The following MACROD2 variants were observed in gnomAD, a reference collection of about 807,000 sequenced individuals.
The protein encoded by MACROD2 is ADP-ribose glycohydrolase MACROD2.
In MACROD2, 36 loss-of-function variants were observed where a neutral mutation model predicts 70.4. The ratio of observed to expected loss-of-function variants is 0.51; its 90% CI spans 0.39 to 0.68. MACROD2 has a LOEUF of 0.68. MACROD2 is among the 30% of genes least tolerant of loss of function. The pLI, the probability that MACROD2 is intolerant of heterozygous loss-of-function variation, is 0.00. For synonymous variants in MACROD2, 172 were observed against 178.8 expected (o/e 0.96, Z 0.30); for missense variants, 496 against 538.4 (o/e 0.92, Z 0.78).
chr20:14,781,878 C>T (rs953767855), intron 5 of MACROD2, among the ~76,000 whole-genome samples: 1 of 151,686 alleles, frequency 6.6e-6, no homozygotes, highest in Non-Finnish European at 1.5e-5. Context: ...AAAAAATTCC[C>T]TAAGTCAGAG....
At chr20:14,120,335 C>G (rs372411301) in intron 3 of MACROD2, among the ~76,000 whole-genome samples, 10 of 151,868 alleles carry the variant, frequency 6.6e-5, no homozygotes, top group East Asian at 3.9e-4. Flanking sequence ...CCATCTCACA[C>G]CAGTCAGAAT....
intron 3 of MACROD2, among the ~76,000 whole-genome samples, chr20:14,304,654 T>G (rs1427944054): frequency 6.6e-6 from 1 of 152,202 alleles, no homozygotes; most frequent in Non-Finnish European, 1.5e-5. Context: ...TTAAGTACTC[T>G]TATCTCTGAA....
intron 5 of MACROD2, among the ~76,000 whole-genome samples, chr20:14,817,082 C>A (rs1041993065): frequency 6.6e-6 from 1 of 152,070 alleles, no homozygotes; most frequent in Non-Finnish European, 1.5e-5. Flanking sequence ...GTTCATAAAT[C>A]TTTTAATTTT....
chr20:15,197,308 G>T (rs1224694276), intron 5 of MACROD2, among the ~76,000 whole-genome samples: 2 of 151,866 alleles, frequency 1.3e-5, no homozygotes, highest in East Asian at 1.9e-4. Flanking sequence ...AGTAAATATT[G>T]CTAATAATTA....
chr20:15,380,051 TA>T (rs2045620168), intron 6 of MACROD2, among the ~76,000 whole-genome samples: 1 of 152,188 alleles, frequency 6.6e-6, no homozygotes, highest in South Asian at 2.1e-4. Flanking sequence ...AGCTCCTCTT[TA>T]TCTTTACATA....
chr20:14,872,801 G>A (rs560175426), intron 5 of MACROD2, among the ~76,000 whole-genome samples: 95 of 152,232 alleles, frequency 6.2e-4, no homozygotes, highest in African/African-American at 2.2e-3. Flanking sequence ...TAAAGGAAAG[G>A]GGTTTAACTG....
intron 6 of MACROD2, among the ~76,000 whole-genome samples, chr20:15,235,985 C>G (rs990283670): frequency 6.6e-6 from 1 of 152,106 alleles, no homozygotes; most frequent in African/African-American, 2.4e-5. Flanking sequence ...CTATGTCTTC[C>G]CTGGTTGGGT....
At chr20:14,369,224 T>C (rs2083300752) in intron 3 of MACROD2, among the ~76,000 whole-genome samples, 1 of 152,220 alleles carries the variant, frequency 6.6e-6, no homozygotes, top group Non-Finnish European at 1.5e-5. Context: ...GAGTCCTCAG[T>C]TAGAGAAACA....
chr20:15,352,409 T>C lies in MACROD2; in HGVS notation c.541-78996T>C, dbSNP rs559695170. On this transcript the variant is annotated intron_variant, in intron 6 of 17. Coordinates refer to ENST00000684519, the MANE Select transcript of MACROD2 (RefSeq NM_001351661.2). Reference sequence around the variant, plus strand: ...CTACAAAAGAGAATGTGTTAATATTTATATTCAAATTGCTAAAACACGTAT... The same window carrying C: ...CTACAAAAGAGAATGTGTTAATATTCATATTCAAATTGCTAAAACACGTAT... Among the ~76,000 whole-genome samples the C allele has an allele frequency of 2.6e-5, 4 of 152,324 alleles. 1 individual carries two copies. The South Asian group carries it at 8.3e-4, about 32-fold the overall frequency.
chr20:15,225,740 C>T (rs2076900412), intron 5 of MACROD2, among the ~76,000 whole-genome samples: 1 of 152,086 alleles, frequency 6.6e-6, no homozygotes, highest in Admixed American at 6.6e-5. Flanking sequence ...ATAAATGAAC[C>T]ATCGTTTTAC....
intron 10 of MACROD2, among the ~76,000 whole-genome samples, chr20:15,925,559 C>A (rs778962435): frequency 2.0e-5 from 3 of 152,146 alleles, no homozygotes; most frequent in Non-Finnish European, 4.4e-5. Context: ...AGATATGCCA[C>A]GGCAAGTTTT....
At chr20:14,594,916 A>C (rs960426230) in intron 4 of MACROD2, among the ~76,000 whole-genome samples, 3 of 152,146 alleles carry the variant, frequency 2.0e-5, no homozygotes, top group East Asian at 1.9e-4. Context: ...CAAAAACTAA[A>C]TAAATAAGAA....
intron 10 of MACROD2, among the ~76,000 whole-genome samples, chr20:15,912,928 G>T (rs2065257726): frequency 6.6e-6 from 1 of 152,156 alleles, no homozygotes; most frequent in South Asian, 2.1e-4. Context: ...GCACCATGCA[G>T]TGTGTCATAA....
chr20:14,515,471 A>ACACGCGCACG (rs1555798359), intron 4 of MACROD2, among the ~76,000 whole-genome samples: 1 of 99,786 alleles, frequency 1.0e-5, no homozygotes, highest in African/African-American at 3.8e-5. Flanking sequence ...ACACGCACAC[A>ACACGCGCACG]CACACACACA....
At chr20:15,525,628 C>T (rs1270164223) in intron 8 of MACROD2, among the ~76,000 whole-genome samples, 1 of 152,188 alleles carries the variant, frequency 6.6e-6, no homozygotes, top group African/African-American at 2.4e-5. Context: ...ATGCATCCAG[C>T]ATTAAAGAGT....
intron 7 of MACROD2, among the ~76,000 whole-genome samples, chr20:15,467,082 T>C (rs1265519500): frequency 6.6e-6 from 1 of 152,204 alleles, no homozygotes; most frequent in Non-Finnish European, 1.5e-5. Context: ...AGAAAGTGTG[T>C]TGCTCTATGA....
At chr20:15,257,889 G>A (rs569589664) in intron 6 of MACROD2, among the ~76,000 whole-genome samples, 3 of 152,030 alleles carry the variant, frequency 2.0e-5, no homozygotes, top group African/African-American at 7.2e-5. Context: ...TATCACAGGA[G>A]ATGACAGCTC....
chr20:14,202,587 C>T (rs935017831), intron 3 of MACROD2, among the ~76,000 whole-genome samples: 3 of 152,114 alleles, frequency 2.0e-5, no homozygotes, highest in African/African-American at 7.2e-5. Flanking sequence ...CAAAAGAGCA[C>T]ACTACTTAGA....
chr20:15,283,121 G>A (rs989139256), intron 6 of MACROD2, among the ~76,000 whole-genome samples: 1 of 152,172 alleles, frequency 6.6e-6, no homozygotes, highest in African/African-American at 2.4e-5. Context: ...CTGCCCATAT[G>A]ATCCAACTAC....
Sources: gnomAD v4.1 joint callset for allele counts (sites outside exome capture counted in the v4.1 genomes callset) on GRCh38, gnomAD v4.1.1 for gene constraint, MANE v1.5 for transcripts, NCBI Gene and HGNC (gene_info 2026-07-23, HGNC 2026-07-21) for gene names.